Variants in TRIQK observed in about 807,000 individuals in gnomAD.
TRIQK encodes triple QxxK/R motif-containing protein.
In TRIQK, 10 loss-of-function variants were observed where a neutral mutation model predicts 10.8. The observed-to-expected ratio is 0.92, with a 90% CI of 0.57 to 1.57. TRIQK has a LOEUF of 1.57. TRIQK is among the 40% of genes most tolerant of loss of function. TRIQK has a pLI of 0.00. For synonymous variants in TRIQK, 33 were observed against 33.7 expected, an observed-to-expected ratio of 0.98 and a Z score of 0.07; for missense variants, 107 against 97.7, an observed-to-expected ratio of 1.09 and a Z score of -0.40.
upstream of TRIQK, among the ~76,000 whole-genome samples, chr8:92,967,821 C>CAA (rs34531122): frequency 7.0e-3 from 572 of 81,866 alleles, 8 homozygotes; most frequent in East Asian, 0.011. Context: ...GACTCCATCT[C>CAA]AAAAAAAAAA....
At chr8:92,964,474 A>ATT (rs1812629311) in intron 1 of TRIQK, among the ~76,000 whole-genome samples, 1 of 147,936 alleles carries the variant, frequency 6.8e-6, no homozygotes, top group African/African-American at 2.5e-5. Flanking sequence ...CTATATATAT[A>ATT]TATATATCTA....
At chr8:92,957,732 T>A (rs1323912450) in intron 1 of TRIQK, among the ~76,000 whole-genome samples, 1 of 151,960 alleles carries the variant, frequency 6.6e-6, no homozygotes, top group Non-Finnish European at 1.5e-5. Flanking sequence ...TAGTTCTATC[T>A]ACTCAGGAGA....
intron 1 of TRIQK, among the ~76,000 whole-genome samples, chr8:92,982,754 A>C (rs188094522): frequency 5.3e-5 from 8 of 152,162 alleles, no homozygotes; most frequent in African/African-American, 1.9e-4. Context: ...GCTTTTATGC[A>C]TTCCAAAAAG....
At chr8:92,916,836 CAT>C in intron 3 of TRIQK, 91 bp downstream of exon 3, 1 of 892,170 alleles carries the variant, frequency 1.1e-6, no homozygotes, top group Non-Finnish European at 1.5e-6. Context: ...TTCTGTGTAT[CAT>C]ATGTATTAGA....
At chr8:92,909,635 A>C (rs1005247064) in intron 3 of TRIQK, among the ~76,000 whole-genome samples, 1 of 151,826 alleles carries the variant, frequency 6.6e-6, no homozygotes, top group African/African-American at 2.4e-5. Context: ...ACTAAGAAAC[A>C]AGCACTAAGC....
At chr8:93,010,430 A>G (rs1308907977) in intron 1 of TRIQK, among the ~76,000 whole-genome samples, 1 of 152,116 alleles carries the variant, frequency 6.6e-6, no homozygotes, top group East Asian at 1.9e-4. Context: ...TAAGGTAGTC[A>G]AAGCATAAGA....
intron 3 of TRIQK, among the ~76,000 whole-genome samples, chr8:92,899,716 G>C (rs1000979623): frequency 1.3e-5 from 2 of 152,304 alleles, no homozygotes; most frequent in African/African-American, 4.8e-5. Context: ...AAACGTAGGA[G>C]TGTAGATATC....
At chr8:92,892,396 G>C (rs1816812566) in intron 3 of TRIQK, among the ~76,000 whole-genome samples, 1 of 151,882 alleles carries the variant, frequency 6.6e-6, no homozygotes, top group Admixed American at 6.6e-5. Context: ...AGATGCATAA[G>C]TAAATGAGTA....
intron 1 of TRIQK, chr8:92,963,997 A>G (rs1586509811): frequency 1.3e-5 from 2 of 152,340 alleles, no homozygotes; most frequent in East Asian, 3.9e-4. Context: ...TTATGATCAA[A>G]GGGCATTTGG....
chr8:92,976,398 A>G (rs1586520024), intron 1 of TRIQK, among the ~76,000 whole-genome samples: 3 of 152,074 alleles, frequency 2.0e-5, no homozygotes, highest in Admixed American at 6.5e-5. Context: ...GACATTTTTC[A>G]TCCCTGGTAA....
At chr8:92,912,948 C>A (rs1809645335) in intron 3 of TRIQK, among the ~76,000 whole-genome samples, 1 of 151,998 alleles carries the variant, frequency 6.6e-6, no homozygotes, top group Admixed American at 6.6e-5. Context: ...CACCTTCAAA[C>A]TCATTTTATA....
chr8:93,000,882 T>TAAAA (rs60359673), intron 1 of TRIQK, among the ~76,000 whole-genome samples: 10,499 of 121,682 alleles, frequency 0.086, 1,070 homozygotes, highest in African/African-American at 0.26. Context: ...CACAAAGGAT[T>TAAAA]AAAAAAAAAA....
At chr8:92,973,842 C>T (rs938424384) in intron 1 of TRIQK, 7 of 152,208 alleles carry the variant, frequency 4.6e-5, no homozygotes, top group Non-Finnish European at 1.0e-4. Context: ...TTTAAATGAT[C>T]ACCACTGTAT....
chr8:92,916,047 C>A (rs1809823325), intron 3 of TRIQK, among the ~76,000 whole-genome samples: 1 of 151,520 alleles, frequency 6.6e-6, no homozygotes, highest in African/African-American at 2.4e-5. Context: ...TTTGTATTTC[C>A]AAAGCAATGG....
chr8:92,998,178 G>A (rs1462033943), intron 1 of TRIQK, among the ~76,000 whole-genome samples: 1 of 151,836 alleles, frequency 6.6e-6, no homozygotes, highest in Non-Finnish European at 1.5e-5. Flanking sequence ...TGAACTCTTA[G>A]TAAATGTTTG....
intron 2 of TRIQK, chr8:92,928,139 C>T (rs1453055030): frequency 6.6e-6 from 1 of 152,158 alleles, no homozygotes; most frequent in Admixed American, 6.5e-5. Context: ...AAAGATAATA[C>T]AGAATAATAT....
intron 3 of TRIQK, among the ~76,000 whole-genome samples, chr8:92,911,551 C>A (rs1329759831): frequency 1.3e-5 from 2 of 151,216 alleles, no homozygotes; most frequent in African/African-American, 4.8e-5. Flanking sequence ...GATTTAATGA[C>A]ACACACAGGC....
intron 1 of TRIQK, among the ~76,000 whole-genome samples, chr8:93,012,228 T>G (rs1813342473): frequency 1.3e-5 from 2 of 152,194 alleles, no homozygotes; most frequent in Admixed American, 1.3e-4. Context: ...GGGTAAATAT[T>G]TGTTCAGCTT....
At chr8:92,928,819 T>C (rs1810572577) in intron 2 of TRIQK, among the ~76,000 whole-genome samples, 1 of 152,162 alleles carries the variant, frequency 6.6e-6, no homozygotes, top group South Asian at 2.1e-4. Flanking sequence ...AGACTTTTTC[T>C]GAATTCAGTA....
Sources: gnomAD v4.1 joint callset for allele counts (sites outside exome capture counted in the v4.1 genomes callset) on GRCh38, gnomAD v4.1.1 for gene constraint, MANE v1.5 for transcripts, NCBI Gene and HGNC (gene_info 2026-07-23, HGNC 2026-07-21) for gene names.